Variants in USP15 observed in about 807,000 individuals in gnomAD.
USP15 encodes ubiquitin specific peptidase 15.
In USP15, 18 loss-of-function variants were observed where a neutral mutation model predicts 127.1. That is an observed-to-expected ratio of 0.14 (90% CI 0.10 to 0.21). The LOEUF is 0.21. Ranked by LOEUF, USP15 falls within the 10% of genes least tolerant of loss-of-function variation. USP15 has a pLI of 1.00. For missense variants in USP15, 805 were observed against 1,159.9 expected, an observed-to-expected ratio of 0.69 and a Z score of 4.44; for synonymous variants, 364 against 393.7, an observed-to-expected ratio of 0.92 and a Z score of 0.89.
rs1468828080 is a variant in USP15 at position 62,390,999 on chromosome 12, T to C, written c.1960+20T>C. ...CACCAAGTAAGACTTTTCTGTTAAATTGTACAAATGTTTCACTTAGATAAT... is the reference window on the plus strand; with the variant it reads ...CACCAAGTAAGACTTTTCTGTTAAACTGTACAAATGTTTCACTTAGATAAT... On this transcript the variant is annotated intron_variant, in intron 15 of 21. Transcript: ENST00000280377. 1.9e-5 allele frequency: 30 copies of C among 1,597,254 alleles called. No homozygotes were observed. The highest frequency in any genetic ancestry group is 2.6e-5 in the Non-Finnish European group (30 of 1,169,456).
At chr12:62,333,202 A>G (rs17716876) in intron 6 of USP15, among the ~76,000 whole-genome samples, 12,218 of 152,272 alleles carry the variant, frequency 0.08, 598 homozygotes, top group Middle Eastern at 0.16. Context: ...AGTAACACCA[A>G]TCTTCAATTT....
chr12:62,291,253 G>C (rs980510558), intron 1 of USP15, among the ~76,000 whole-genome samples: 1 of 152,012 alleles, frequency 6.6e-6, no homozygotes, highest in Non-Finnish European at 1.5e-5. Flanking sequence ...CTTCTCAAAG[G>C]CTTTGTTCAT....
At chr12:62,326,678 T>A (rs1169869292) in intron 6 of USP15, among the ~76,000 whole-genome samples, 1 of 152,162 alleles carries the variant, frequency 6.6e-6, no homozygotes, top group Non-Finnish European at 1.5e-5. Flanking sequence ...TGTGAAAAAA[T>A]TTTTAAGTTT....
At position 62,294,261 on chromosome 12, in the gene USP15, C is replaced by A. The variant is rs1317367583; in HGVS notation, c.172C>A (p.Gln58Lys). The stretch of plus-strand genomic sequence containing the variant: ...TTGGGACAAATACCAGATGGGAGAT[C>A]AAAATGTGTATCCTGGACCCATTGA... ...DSWDKYQMGD[Q>K]NVYPGPIDNS... is the part of the protein sequence containing the mutation. The change falls in exon 2 of 22, where the codon CAA becomes AAA. Residue 58 changes from glutamine (Q) to lysine (K), a missense_variant. Coordinates refer to ENST00000280377, the MANE Select transcript of USP15 (RefSeq NM_001252078.2). 6.2e-7 allele frequency: 1 copy of A among 1,613,624 alleles called. No homozygotes were observed.
intron 1 of USP15, chr12:62,267,085 G>A (rs1274046704): frequency 1.3e-5 from 2 of 152,044 alleles, no homozygotes. Flanking sequence ...CTTAGTCCTT[G>A]TATAGAATTT....
At position 62,387,276 on chromosome 12, in the gene USP15, G is replaced by A. The variant is rs114391489; in HGVS notation, c.1474-2155G>A. On this transcript the variant is annotated intron_variant, in intron 11 of 21. Coordinates refer to ENST00000280377, the MANE Select transcript of USP15 (RefSeq NM_001252078.2). ...GAAGGATGAGATTACTTAAGGCTAA[G>A]GTGACCCCGTGATTTATCATCTAAA... Among the ~76,000 whole-genome samples the A allele has an allele frequency of 2.2e-3, 338 of 152,238 alleles. 2 individuals are homozygous for A. Among genetic ancestry groups the A allele is most frequent in the African/African-American group, 8.0e-3 (333 of 41,540 alleles).
At chr12:62,296,049 G>A (rs948550250) in intron 2 of USP15, among the ~76,000 whole-genome samples, 1 of 152,214 alleles carries the variant, frequency 6.6e-6, no homozygotes, top group African/African-American at 2.4e-5. Flanking sequence ...GGGTCAATAT[G>A]TCATTGCTGG....
intron 1 of USP15, 72 bp from the exon 2 acceptor site, chr12:62,294,107 A>G (rs1263348612): frequency 2.7e-6 from 4 of 1,508,456 alleles, no homozygotes; most frequent in Admixed American, 2.1e-5. Flanking sequence ...GGAAATATCA[A>G]AAAATAGATG....
chr12:62,349,202 C>T lies in USP15; in HGVS notation c.684-19C>T. On this transcript the variant is annotated intron_variant, in intron 6 of 21. Coordinates refer to ENST00000280377, the MANE Select transcript of USP15 (RefSeq NM_001252078.2). Reference sequence around the variant, plus strand: ...TTCTTCATTTTTTTATCTAATTTAACATTTTCATATTTTTAAAGGTCCCCA... The same window carrying T: ...TTCTTCATTTTTTTATCTAATTTAATATTTTCATATTTTTAAAGGTCCCCA... 3 of 1,347,292 alleles carry T rather than the reference C, an allele frequency of 2.2e-6. No homozygotes were observed. Among genetic ancestry groups the T allele is most frequent in the South Asian group, 3.3e-5 (2 of 61,306 alleles). 83.5% of individuals were successfully genotyped at this position (1,347,292 alleles called of 1,614,324 possible).
At chr12:62,353,714 T>C (rs2066030630) in intron 7 of USP15, among the ~76,000 whole-genome samples, 1 of 152,076 alleles carries the variant, frequency 6.6e-6, no homozygotes, top group African/African-American at 2.4e-5. Flanking sequence ...TTGTTGTGTG[T>C]ACCCAAAGTT....
intron 8 of USP15, among the ~76,000 whole-genome samples, chr12:62,370,978 C>G (rs981731214): frequency 6.6e-6 from 1 of 151,956 alleles, no homozygotes; most frequent in Non-Finnish European, 1.5e-5. Context: ...ATATTTTTCC[C>G]TTTCCTCTCC....
intron 5 of USP15, among the ~76,000 whole-genome samples, chr12:62,325,301 C>G (rs1191498712): frequency 1.3e-5 from 2 of 151,932 alleles, no homozygotes; most frequent in Admixed American, 6.6e-5. Flanking sequence ...ATAAATGGGA[C>G]TCTATCATTT....
At chr12:62,277,825 A>C (rs576122290) in intron 1 of USP15, among the ~76,000 whole-genome samples, 1 of 152,174 alleles carries the variant, frequency 6.6e-6, no homozygotes, top group Non-Finnish European at 1.5e-5. Flanking sequence ...AGCTTGGCCT[A>C]GTGCATTAAT....
chr12:62,384,984 C>T (rs906430479), intron 11 of USP15, among the ~76,000 whole-genome samples: 2 of 151,780 alleles, frequency 1.3e-5, no homozygotes, highest in African/African-American at 4.8e-5. Flanking sequence ...CCTCTTCTGA[C>T]ACTTGACCCA....
At chr12:62,355,555 C>T (rs545649456) in intron 8 of USP15, 80 bp downstream of exon 8, 418 of 1,433,914 alleles carry the variant, frequency 2.9e-4, no homozygotes, top group Non-Finnish European at 3.5e-4. Context: ...TTTTTCATGC[C>T]AGAACATGAG....
At chr12:62,362,652 A>G (rs1351960311) in intron 8 of USP15, among the ~76,000 whole-genome samples, 1 of 152,140 alleles carries the variant, frequency 6.6e-6, no homozygotes, top group East Asian at 1.9e-4. Context: ...TGAATGACTG[A>G]TGAAGTCATT....
chr12:62,399,335 A>T (rs1242877029), intron 20 of USP15, among the ~76,000 whole-genome samples: 1 of 152,056 alleles, frequency 6.6e-6, no homozygotes, highest in African/African-American at 2.4e-5. Context: ...TCCCATGGCT[A>T]TTTCCTTCCA....
At chr12:62,280,091 C>T (rs1346174203) in intron 1 of USP15, among the ~76,000 whole-genome samples, 1 of 152,026 alleles carries the variant, frequency 6.6e-6, no homozygotes, top group Admixed American at 6.5e-5. Context: ...TATGAATGTG[C>T]TTAGAAGTAT....
chr12:62,393,062 G>C lies in USP15; in HGVS notation c.2430G>C (p.Pro810=), dbSNP rs745517169. Residue 810 remains proline, a synonymous_variant, in exon 19 of 22, where the codon CCG becomes CCC. Transcript: ENST00000280377. ...TTCTGTTTATTCTTAGGTATTGTCC[G>C]AATTGTAAAGAACATCAGCAAGCCA... ...KLGAEDPWYC[P]NCKEHQQATK... is the part of the protein sequence containing the mutation. 1 of 1,613,178 alleles carries C rather than the reference G, an allele frequency of 6.2e-7. No homozygotes were observed. Among genetic ancestry groups the C allele is most frequent in the African/African-American group, 1.3e-5 (1 of 74,846 alleles).
Sources: allele counts gnomAD v4.1 joint callset (sites outside exome capture counted in the v4.1 genomes callset), GRCh38; gene constraint gnomAD v4.1.1; transcripts MANE v1.5; gene names NCBI Gene and HGNC (gene_info 2026-07-23, HGNC 2026-07-21).